VPS13B: variants seen among roughly 807,000 people sequenced by gnomAD.
VPS13B encodes intermembrane lipid transfer protein VPS13B.
A neutral mutation model predicts 426.4 loss-of-function variants in VPS13B; 285 were observed. The observed-to-expected ratio is 0.67, with a 90% CI of 0.61 to 0.74. The LOEUF is 0.74. VPS13B is among the 30% of genes least tolerant of loss of function. The probability of loss-of-function intolerance (pLI) is 0.00; values close to 1 mark genes in which losing one functional copy is unlikely to be tolerated. For synonymous variants in VPS13B, 1,676 were observed against 1,676.4 expected (o/e 1.00, Z 0.01); for missense variants, 4,537 against 4,782.6 (o/e 0.95, Z 1.51).
intron 14 of VPS13B, among the ~76,000 whole-genome samples, chr8:99,148,919 G>A (rs1241897922): frequency 2.0e-5 from 3 of 152,260 alleles, no homozygotes; most frequent in Non-Finnish European, 2.9e-5. Context: ...TCAGCTGAAT[G>A]AGGAATGCTG....
At chr8:99,122,182 G>A (rs552255473) in intron 8 of VPS13B, among the ~76,000 whole-genome samples, 2 of 151,166 alleles carry the variant, frequency 1.3e-5, no homozygotes, top group Non-Finnish European at 1.5e-5. Context: ...TTTTTTAAAG[G>A]ATTGTTTACA....
At chr8:99,231,507 T>A (rs967592908) in intron 17 of VPS13B, among the ~76,000 whole-genome samples, 2 of 152,212 alleles carry the variant, frequency 1.3e-5, no homozygotes, top group Non-Finnish European at 2.9e-5. Context: ...CTTTTCTTTT[T>A]TAATAAATGT....
At chr8:99,020,301 G>T (rs1430926391) in intron 2 of VPS13B, among the ~76,000 whole-genome samples, 2 of 152,062 alleles carry the variant, frequency 1.3e-5, no homozygotes, top group Non-Finnish European at 2.9e-5. Context: ...ATGCCTATTT[G>T]AGTCCTTTGC....
chr8:99,731,633 G>C (rs752949600), intron 39 of VPS13B, among the ~76,000 whole-genome samples: 1 of 152,160 alleles, frequency 6.6e-6, no homozygotes, highest in Non-Finnish European at 1.5e-5. Flanking sequence ...GGGTCTTAGA[G>C]AGATGAGAGG....
intron 16 of VPS13B, among the ~76,000 whole-genome samples, chr8:99,190,472 G>A (rs1813499759): frequency 6.6e-6 from 1 of 151,458 alleles, no homozygotes; most frequent in Non-Finnish European, 1.5e-5. Flanking sequence ...CCCATCTATT[G>A]TTTGTTTTCT....
chr8:99,693,210 T>C (rs1365674714), intron 35 of VPS13B, among the ~76,000 whole-genome samples: 2 of 151,124 alleles, frequency 1.3e-5, no homozygotes, highest in Non-Finnish European at 2.9e-5. Context: ...CCAACATCAT[T>C]CTGATACCAA....
chr8:99,801,083 C>T (rs1224176484), intron 43 of VPS13B, among the ~76,000 whole-genome samples: 3 of 152,186 alleles, frequency 2.0e-5, no homozygotes, highest in African/African-American at 7.2e-5. Flanking sequence ...GTTCCATTGT[C>T]TCTCACGTAT....
chr8:99,466,269 T>C (rs578228878), intron 23 of VPS13B, among the ~76,000 whole-genome samples: 1 of 152,252 alleles, frequency 6.6e-6, no homozygotes, highest in Non-Finnish European at 1.5e-5. Context: ...TTTGATATTT[T>C]CTTCTTTATA....
intron 39 of VPS13B, among the ~76,000 whole-genome samples, chr8:99,753,760 C>T (rs1810506506): frequency 6.6e-6 from 1 of 152,114 alleles, no homozygotes; most frequent in African/African-American, 2.4e-5. Context: ...TTTCTCAGGG[C>T]TCTTAAATTA....
At chr8:99,158,337 C>G (rs570779133) in intron 15 of VPS13B, among the ~76,000 whole-genome samples, 1 of 152,216 alleles carries the variant, frequency 6.6e-6, no homozygotes, top group Non-Finnish European at 1.5e-5. Flanking sequence ...GATCGACCAG[C>G]CTGGCCAACA....
At chr8:99,379,549 A>C (rs1325232259) in intron 19 of VPS13B, among the ~76,000 whole-genome samples, 1 of 152,162 alleles carries the variant, frequency 6.6e-6, no homozygotes, top group Admixed American at 6.5e-5. Context: ...ATAATTGGCT[A>C]TCTTTCACTT....
At chr8:99,605,446 ATAGATAACTCTAATCC>A (rs1403243749) in intron 33 of VPS13B, among the ~76,000 whole-genome samples, 38 of 152,344 alleles carry the variant, frequency 2.5e-4, no homozygotes, top group Admixed American at 2.2e-3. Flanking sequence ...TCTTCAATCT[ATAGATAACTCTAATCC>A]TAGATATAAT....
At chr8:99,135,391 A>C (rs1810022621) in intron 10 of VPS13B, among the ~76,000 whole-genome samples, 1 of 151,946 alleles carries the variant, frequency 6.6e-6, no homozygotes, top group Non-Finnish European at 1.5e-5. Flanking sequence ...TTTTTTGTTC[A>C]TGGCAGTTAT....
chr8:99,749,856 C>T (rs761840296), intron 39 of VPS13B, among the ~76,000 whole-genome samples: 19 of 152,098 alleles, frequency 1.2e-4, no homozygotes, highest in South Asian at 4.2e-4. Flanking sequence ...ATATTCCCAC[C>T]GACAGTGTAC....
At chr8:99,219,205 A>G (rs1488435937) in intron 17 of VPS13B, among the ~76,000 whole-genome samples, 1 of 152,352 alleles carries the variant, frequency 6.6e-6, no homozygotes, top group East Asian at 1.9e-4. Context: ...AAGATTCCTC[A>G]AGGGAAATAA....
At chr8:99,025,913 G>A (rs554756057) in intron 2 of VPS13B, among the ~76,000 whole-genome samples, 7 of 152,142 alleles carry the variant, frequency 4.6e-5, no homozygotes, top group South Asian at 4.2e-4. Flanking sequence ...TTCTTAGTCT[G>A]TGTAATAGTT....
chr8:99,032,639 C>T (rs1345038338), intron 2 of VPS13B, among the ~76,000 whole-genome samples: 6 of 151,086 alleles, frequency 4.0e-5, no homozygotes, highest in Non-Finnish European at 8.9e-5. Flanking sequence ...ACGCCATTCT[C>T]CTGCCTCAGC....
chr8:99,156,695 A>G lies in VPS13B; in HGVS notation c.2160A>G (p.Gln720=), dbSNP rs1272445028. The G allele has an allele frequency of 1.9e-6, 3 of 1,613,922 alleles. No individual in the cohort carries two copies. Among genetic ancestry groups the G allele is most frequent in the Non-Finnish European group, 2.5e-6 (3 of 1,179,930 alleles). Residue 720 remains glutamine, a synonymous_variant, in exon 15 of 62, where the codon CAA becomes CAG. Transcript: ENST00000357162. The part of the protein sequence containing the change: ...QLVHVVSSLT[Q]PSDNLLHYCY... ...TGCATGTGGTCAGCAGCCTTACTCAACCTTCTGATAACCTGCTTCATTATT... is the reference window on the plus strand; with the variant it reads ...TGCATGTGGTCAGCAGCCTTACTCAGCCTTCTGATAACCTGCTTCATTATT...
chr8:99,647,252 T>C (rs934525002), intron 34 of VPS13B, among the ~76,000 whole-genome samples: 2 of 152,154 alleles, frequency 1.3e-5, no homozygotes, highest in African/African-American at 4.8e-5. Context: ...AAAAAGGATT[T>C]TGTTTTACTC....
Sources: gnomAD v4.1 joint callset for allele counts (sites outside exome capture counted in the v4.1 genomes callset) on GRCh38, gnomAD v4.1.1 for gene constraint, MANE v1.5 for transcripts, NCBI Gene and HGNC (gene_info 2026-07-23, HGNC 2026-07-21) for gene names.